Variants in SMYD2 observed in about 807,000 individuals in gnomAD.
SMYD2 encodes SET and MYND domain containing 2.
In SMYD2, 53 loss-of-function variants were observed where a neutral mutation model predicts 59.1. The observed-to-expected ratio is 0.90, with a 90% CI of 0.72 to 1.13. SMYD2 has a LOEUF of 1.13. Ranked by LOEUF, SMYD2 falls within the 50% of genes most tolerant of loss-of-function variation. The pLI is 0.00. For missense variants in SMYD2, 494 were observed against 544.7 expected, an observed-to-expected ratio of 0.91 and a Z score of 0.93; for synonymous variants, 208 against 198.8, an observed-to-expected ratio of 1.05 and a Z score of -0.39.
intron 1 of SMYD2, among the ~76,000 whole-genome samples, chr1:214,299,019 T>A (rs1006393431): frequency 6.6e-6 from 1 of 152,012 alleles, no homozygotes. Flanking sequence ...GACATGGTAG[T>A]GTGTCCCTGT....
intron 1 of SMYD2, among the ~76,000 whole-genome samples, chr1:214,286,423 A>G (rs769927193): frequency 2.6e-5 from 4 of 152,080 alleles, no homozygotes; most frequent in Non-Finnish European, 5.9e-5. Flanking sequence ...GCAGGAAGCC[A>G]TATCACTTAC....
chr1:214,319,065 T>C, intron 5 of SMYD2, 82 bp downstream of exon 5: 1 of 1,510,580 alleles, frequency 6.6e-7, no homozygotes, highest in Non-Finnish European at 9.0e-7. Context: ...TCAGTGAAGA[T>C]GAATGCAAAT....
intron 1 of SMYD2, among the ~76,000 whole-genome samples, chr1:214,290,937 A>T (rs1656626915): frequency 6.6e-6 from 1 of 152,162 alleles, no homozygotes; most frequent in Non-Finnish European, 1.5e-5. Flanking sequence ...CTCATTTGCC[A>T]CCTGAAAAAT....
rs17022453 is a variant in SMYD2, at chr1:214,305,462, G to A, written c.237+212G>A. 3.0e-3 allele frequency among the ~76,000 whole-genome samples: 452 copies of A among 152,354 alleles called. 14 individuals carry two copies. In the East Asian group the frequency reaches 0.064, roughly 22 times the overall value. On this transcript the variant is annotated intron_variant, in intron 2 of 11. Coordinates refer to ENST00000366957, the MANE Select transcript of SMYD2 (RefSeq NM_020197.3). The stretch of plus-strand genomic sequence containing the variant: ...CCGCATGCAGGACCAACATCGAGGT[G>A]CAGGAGAAGACCATGTTAGATACAG...
At chr1:214,301,478 A>T (rs1487199811) in intron 1 of SMYD2, among the ~76,000 whole-genome samples, 1 of 152,204 alleles carries the variant, frequency 6.6e-6, no homozygotes, top group South Asian at 2.1e-4. Flanking sequence ...TAGATTGTAC[A>T]GATCTCCTGA....
At chr1:214,321,686 A>T (rs545082732) in intron 5 of SMYD2, among the ~76,000 whole-genome samples, 1 of 152,216 alleles carries the variant, frequency 6.6e-6, no homozygotes, top group African/African-American at 2.4e-5. Flanking sequence ...GAACATATGC[A>T]TGATTGGGAA....
chr1:214,331,795 C>T, intron 9 of SMYD2: 1 of 528,094 alleles, frequency 1.9e-6, no homozygotes, highest in South Asian at 2.6e-5. Context: ...GGTCTGGACC[C>T]TGCGGCTAAA....
chr1:214,296,077 T>C (rs1302938734), intron 1 of SMYD2, among the ~76,000 whole-genome samples: 3 of 152,248 alleles, frequency 2.0e-5, no homozygotes, highest in Non-Finnish European at 4.4e-5. Flanking sequence ...ACCCCCTCTA[T>C]GCCAGTATCA....
At chr1:214,313,796 C>T (rs894743015) in intron 2 of SMYD2, among the ~76,000 whole-genome samples, 2 of 152,156 alleles carry the variant, frequency 1.3e-5, no homozygotes, top group African/African-American at 4.8e-5. Flanking sequence ...TTCCCCATCT[C>T]AAGTGATGGC....
intron 5 of SMYD2, among the ~76,000 whole-genome samples, chr1:214,323,139 T>C (rs976841581): frequency 1.3e-5 from 2 of 152,160 alleles, no homozygotes; most frequent in African/African-American, 2.4e-5. Flanking sequence ...CTCTAAAAAG[T>C]AGAGTCTTAG....
chr1:214,305,001 C>T (rs1282996360), intron 1 of SMYD2, among the ~76,000 whole-genome samples, 186 bp from the exon 2 acceptor site: 2 of 152,130 alleles, frequency 1.3e-5, no homozygotes, highest in Admixed American at 6.5e-5. Context: ...CTATTTGACT[C>T]ACTCACTCCT....
At position 214,324,316 on chromosome 1, in the gene SMYD2, A is replaced by G. The variant is rs373382450; in HGVS notation, c.535-325A>G. Among the ~76,000 whole-genome samples, 143 of 152,276 alleles carry G rather than the reference A, an allele frequency of 9.4e-4. 5 individuals carry two copies. In the South Asian group the frequency reaches 0.028, roughly 30 times the overall value. On this transcript the variant is annotated intron_variant, in intron 5 of 11. Transcript: ENST00000366957. Reference sequence around the variant, plus strand: ...ACAACAAAGCTGTAGCAGAATTGAGATTAGACTCCAGGTATCTTAACTCCC... The same window carrying G: ...ACAACAAAGCTGTAGCAGAATTGAGGTTAGACTCCAGGTATCTTAACTCCC...
chr1:214,312,692 T>G lies in SMYD2; in HGVS notation c.238-2070T>G, dbSNP rs4655331. 0.94 allele frequency among the ~76,000 whole-genome samples: 142,813 copies of G among 152,272 alleles called. 67,084 individuals carry two copies. The highest frequency in any genetic ancestry group is 1 in the East Asian group (5,168 of 5,170). On this transcript the variant is annotated intron_variant, in intron 2 of 11. Coordinates refer to ENST00000366957, the MANE Select transcript of SMYD2 (RefSeq NM_020197.3). The surrounding 1 kb of genome is among the most constrained non-coding windows in gnomAD (Gnocchi z 4.1). ...TGGCTCCAGGCGCAGCCAGGACACT[T>G]CTGTGGCTAAGTGCAGTGAGGCAGG... is the stretch of plus-strand genomic sequence containing the variant.
intron 3 of SMYD2, among the ~76,000 whole-genome samples, chr1:214,316,287 A>G (rs968435882): frequency 6.6e-6 from 1 of 152,174 alleles, no homozygotes; most frequent in Non-Finnish European, 1.5e-5. Flanking sequence ...CCTTGGCAAC[A>G]AAGTGAGACC....
Position 214,281,174 on chromosome 1 carries a change from G to T in SMYD2, c.-81G>T. On this transcript the variant is annotated 5_prime_UTR_variant, in exon 1 of 12. Transcript: ENST00000366957. ...GGCGGCTCCCACCCCGCCCCCCGCA[G>T]CTCTAGGTGACGCGTCTCCAATAAC... 9.3e-7 allele frequency: 1 copy of T among 1,078,056 alleles called. No individual in the cohort carries two copies. The highest frequency in any genetic ancestry group is 1.7e-5 in the African/African-American group (1 of 60,436). 66.8% of individuals were successfully genotyped at this position (1,078,056 alleles called of 1,614,324 possible). A position where few individuals can be genotyped will look rare whatever the true frequency, so the allele number is the denominator to read the frequency against.
At chr1:214,324,518 G>A (rs6695148) in intron 5 of SMYD2, 123 bp from the exon 6 acceptor site, 11 of 830,736 alleles carry the variant, frequency 1.3e-5, no homozygotes, top group Admixed American at 1.3e-4. Context: ...AAAAGAAAGG[G>A]TTTAAAACCA....
At chr1:214,322,996 A>T (rs1657197598) in intron 5 of SMYD2, among the ~76,000 whole-genome samples, 1 of 152,144 alleles carries the variant, frequency 6.6e-6, no homozygotes, top group Admixed American at 6.5e-5. Flanking sequence ...AGTGGGGTGG[A>T]ATCGTTCAGT....
intron 2 of SMYD2, among the ~76,000 whole-genome samples, chr1:214,313,607 A>G (rs1164627140): frequency 6.6e-6 from 1 of 151,532 alleles, no homozygotes; most frequent in African/African-American, 2.4e-5. Flanking sequence ...TTCTTACCCC[A>G]TCATCCCACC....
chr1:214,331,997 C>T (rs1264072672), intron 9 of SMYD2, 21 bp from the exon 10 acceptor site: 8 of 1,605,278 alleles, frequency 5.0e-6, no homozygotes, highest in Non-Finnish European at 6.8e-6. Flanking sequence ...CCCGGTGGCC[C>T]TTTCCTTGAC....
Sources: gnomAD v4.1 joint callset for allele counts (sites outside exome capture counted in the v4.1 genomes callset) on GRCh38, gnomAD v4.1.1 for gene constraint, Gnocchi (gnomAD v3.1) non-coding constraint, MANE v1.5 for transcripts, NCBI Gene and HGNC (gene_info 2026-07-23, HGNC 2026-07-21) for gene names.